The following SLF1 variants were observed in gnomAD, a reference collection of about 807,000 sequenced individuals.
SLF1 encodes SMC5-SMC6 complex localization factor protein 1.
In SLF1, 105 loss-of-function variants were observed where a neutral mutation model predicts 123.0. The ratio of observed to expected loss-of-function variants is 0.85; its 90% CI spans 0.73 to 1.00. The LOEUF is 1.00. SLF1 is among the 50% of genes least tolerant of loss of function. The pLI is 0.00. For missense variants in SLF1, 1,239 were observed against 1,223.0 expected, an observed-to-expected ratio of 1.01 and a Z score of -0.20; for synonymous variants, 434 against 406.6, an observed-to-expected ratio of 1.07 and a Z score of -0.81.
intron 3 of SLF1, chr5:94,629,866 C>T (rs577302686): frequency 2.6e-5 from 4 of 152,184 alleles, no homozygotes; most frequent in African/African-American, 4.8e-5. Context: ...AACTGTTGGT[C>T]GGGTGTGGAG....
At chr5:94,653,918 C>T (rs925277616) in intron 8 of SLF1, among the ~76,000 whole-genome samples, 1 of 151,934 alleles carries the variant, frequency 6.6e-6, no homozygotes, top group South Asian at 2.1e-4. Flanking sequence ...CACCTGTAAT[C>T]CCAGCACTCT....
At chr5:94,680,513 A>G (rs1330238800) in intron 15 of SLF1, among the ~76,000 whole-genome samples, 1 of 152,216 alleles carries the variant, frequency 6.6e-6, no homozygotes, top group African/African-American at 2.4e-5. Context: ...TAGAATGGGA[A>G]CTAAGCATTT....
chr5:94,649,686 G>C, intron 6 of SLF1, 89 bp downstream of exon 6: 1 of 1,205,498 alleles, frequency 8.3e-7, no homozygotes, highest in Non-Finnish European at 1.1e-6. Context: ...AATAGATTTT[G>C]GAATCAGAAG....
rs1156898295 is a variant in SLF1, at chr5:94,670,869, A to G, written c.1688A>G (p.Asn563Ser). ...QKLYDWSDSQ[N>S]LKITGKAMLL... ...TTGTATGACTGGTCAGATTCTCAGA[A>G]TCTGAAAATAACAGGAAAGGCAATG... Residue 563 changes from asparagine (N) to serine (S), a missense_variant, in exon 14 of 21, where the codon AAT becomes AGT. Physicochemically the swap from Asn to Ser is conservative, Grantham distance 46. Transcript: ENST00000265140. 1.3e-6 allele frequency: 2 copies of G among 1,549,818 alleles called. No homozygotes were observed. The highest frequency in any genetic ancestry group is 1.7e-6 in the Non-Finnish European group (2 of 1,145,834).
chr5:94,631,848 C>G (rs1007854762), intron 4 of SLF1, among the ~76,000 whole-genome samples: 2 of 152,076 alleles, frequency 1.3e-5, no homozygotes, highest in Admixed American at 6.5e-5. Flanking sequence ...GGCATAGTGG[C>G]TCAGGTCTGT....
chr5:94,654,014 A>G (rs1325203400), intron 8 of SLF1, among the ~76,000 whole-genome samples: 1 of 152,078 alleles, frequency 6.6e-6, no homozygotes, highest in Non-Finnish European at 1.5e-5. Context: ...TACCAAAAAT[A>G]CAAAAAATTA....
At chr5:94,642,495 G>A (rs1296990991) in intron 4 of SLF1, among the ~76,000 whole-genome samples, 1 of 152,136 alleles carries the variant, frequency 6.6e-6, no homozygotes, top group African/African-American at 2.4e-5. Flanking sequence ...AAATAGTTTG[G>A]TTGTCCAGTC....
In SLF1 at chr5:94,677,554, C is replaced by T. The variant is rs1001560586; in HGVS notation, c.1828-1254C>T. Among the ~76,000 whole-genome samples the T allele has an allele frequency of 3.3e-5, 5 of 152,138 alleles. No individual in the cohort carries two copies. In the East Asian group the frequency reaches 9.7e-4, roughly 29 times the overall value. On this transcript the variant is annotated intron_variant, in intron 14 of 20. Coordinates refer to ENST00000265140, the MANE Select transcript of SLF1 (RefSeq NM_032290.4). ...GATTAATTAGAAAGAAATTAGATGG[C>T]AGAACATAGTTATAATCTATTACTG...
Position 94,670,262 on chromosome 5 carries a change from A to C in SLF1, c.1644A>C (p.Val548=). 2 of 1,496,222 alleles carry C rather than the reference A, an allele frequency of 1.3e-6. No homozygotes were observed. Among genetic ancestry groups the C allele is most frequent in the Non-Finnish European group, 8.9e-7 (1 of 1,126,286 alleles). The allele number at this position is 1,496,222 out of a possible 1,614,324, so 92.7% of individuals were successfully genotyped here. The change falls in exon 13 of 21, where the codon GTA becomes GTC. Residue 548 remains valine, a synonymous_variant. Transcript: ENST00000265140. ...KFFFNLIESE[V]QHLSQKLYDW... Reference sequence around the variant, plus strand: ...TCTTTAATTTAATTGAAAGTGAAGTACAACATCTGAGTCAAAAGTAAGTTC... The same window carrying C: ...TCTTTAATTTAATTGAAAGTGAAGTCCAACATCTGAGTCAAAAGTAAGTTC...
At chr5:94,645,782 T>G (rs1158416702) in intron 5 of SLF1, among the ~76,000 whole-genome samples, 3 of 152,212 alleles carry the variant, frequency 2.0e-5, no homozygotes, top group African/African-American at 7.2e-5. Context: ...AGCTGGGAGT[T>G]CATAACCAAT....
At chr5:94,619,369 A>G (rs1055380405) in intron 1 of SLF1, among the ~76,000 whole-genome samples, 23 of 151,724 alleles carry the variant, frequency 1.5e-4, no homozygotes, top group Non-Finnish European at 2.8e-4. Context: ...ACACACATAC[A>G]CTTTTCGCTG....
intron 18 of SLF1, chr5:94,691,307 T>G: frequency 2.4e-6 from 1 of 414,534 alleles, no homozygotes; most frequent in South Asian, 3.1e-5. Flanking sequence ...ACAATGCCTG[T>G]GTTAAACCTT....
At chr5:94,680,675 ATAGTT>A (rs1345610747) in intron 15 of SLF1, among the ~76,000 whole-genome samples, 1 of 152,204 alleles carries the variant, frequency 6.6e-6, no homozygotes, top group Non-Finnish European at 1.5e-5. Context: ...AATTTATTTT[ATAGTT>A]TAGCCAAATG....
Position 94,629,143 on chromosome 5 carries a change from A to G in SLF1, c.166A>G (p.Lys56Glu). The change falls in exon 3 of 21, where the codon AAA becomes GAA. Residue 56 changes from lysine (K) to glutamate (E), a missense_variant. Coordinates refer to ENST00000265140, the MANE Select transcript of SLF1 (RefSeq NM_032290.4). Reference sequence around the variant, plus strand: ...AGCTGAACGCCTATGTAAGAGTGAAAAATTTTTAGCAGCTTGTGCGGCAGG... The same window carrying G: ...AGCTGAACGCCTATGTAAGAGTGAAGAATTTTTAGCAGCTTGTGCGGCAGG... ...LIAERLCKSE[K>E]FLAACAAGKW... 1 of 1,548,504 alleles carries G rather than the reference A, an allele frequency of 6.5e-7. No individual in the cohort carries two copies. Among genetic ancestry groups the G allele is most frequent in the Non-Finnish European group, 8.7e-7 (1 of 1,145,792 alleles).
intron 14 of SLF1, among the ~76,000 whole-genome samples, chr5:94,674,275 A>T (rs1750799848): frequency 6.6e-6 from 1 of 152,184 alleles, no homozygotes; most frequent in Non-Finnish European, 1.5e-5. Context: ...CAGATAAGAA[A>T]TTACTTAAGA....
In SLF1 at chr5:94,670,290, A is replaced by G; in HGVS notation, c.1661+11A>G. On this transcript the variant is annotated intron_variant, in intron 13 of 20. Coordinates refer to ENST00000265140, the MANE Select transcript of SLF1 (RefSeq NM_032290.4). ...ACATCTGAGTCAAAAGTAAGTTCTA[A>G]TCGCAAGAATAACACTTTTCTAAAT... 1 of 1,454,700 alleles carries G rather than the reference A, an allele frequency of 6.9e-7. No individual in the cohort carries two copies. Among genetic ancestry groups the G allele is most frequent in the Non-Finnish European group, 9.0e-7 (1 of 1,108,720 alleles). The allele number at this position is 1,454,700 out of a possible 1,614,324, so 90.1% of individuals were successfully genotyped here. A position where few individuals can be genotyped will look rare whatever the true frequency, so the allele number is the denominator to read the frequency against.
chr5:94,685,670 T>C (rs1201525059), intron 15 of SLF1, among the ~76,000 whole-genome samples: 1 of 152,118 alleles, frequency 6.6e-6, no homozygotes, highest in African/African-American at 2.4e-5. Context: ...TTCTTGTTTT[T>C]TGTTTCATCA....
chr5:94,633,267 G>A (rs1369431233), intron 4 of SLF1, among the ~76,000 whole-genome samples: 6 of 152,258 alleles, frequency 3.9e-5, no homozygotes, highest in East Asian at 1.9e-4. Flanking sequence ...GATTACAGGC[G>A]TGAACCACTG....
intron 7 of SLF1, among the ~76,000 whole-genome samples, chr5:94,652,809 C>T (rs913845986): frequency 1.3e-4 from 20 of 152,096 alleles, no homozygotes; most frequent in Non-Finnish European, 5.9e-5. Context: ...TACTAATGTA[C>T]ACCTACTCTG....
Sources: gnomAD v4.1 joint callset for allele counts (sites outside exome capture counted in the v4.1 genomes callset) on GRCh38, gnomAD v4.1.1 for gene constraint, MANE v1.5 for transcripts, NCBI Gene and HGNC (gene_info 2026-07-23, HGNC 2026-07-21) for gene names.